Variants in SLC24A2 observed in about 807,000 individuals in gnomAD.
SLC24A2 encodes the protein sodium/potassium/calcium exchanger 2.
Under a neutral mutation model 62.0 loss-of-function variants are expected in SLC24A2, and 36 were observed. The ratio of observed to expected loss-of-function variants is 0.58; its 90% CI spans 0.44 to 0.77. The LOEUF is 0.77. SLC24A2 is among the 30% of genes least tolerant of loss of function. The pLI is 0.00. For synonymous variants in SLC24A2, 358 were observed against 294.0 expected, an observed-to-expected ratio of 1.22 and a Z score of -2.23; for missense variants, 846 against 817.9, an observed-to-expected ratio of 1.03 and a Z score of -0.42.
At chr9:19,897,891 G>A in the SLC24A2 span, among the ~76,000 whole-genome samples, 5 of 152,192 alleles carry the variant, frequency 3.3e-5, no homozygotes, top group Middle Eastern at 3.4e-3. Context: ...ACAGAATTAC[G>A]CACTACAGTT....
chr9:20,260,960 A>T, the SLC24A2 span, among the ~76,000 whole-genome samples: 16,775 of 148,502 alleles, frequency 0.11, 1,943 homozygotes, highest in East Asian at 0.52. Context: ...GGTTCAAGCG[A>T]TTCTCCTGCC....
At chr9:19,763,748 A>C (rs980366759) in intron 2 of SLC24A2, among the ~76,000 whole-genome samples, 7 of 152,172 alleles carry the variant, frequency 4.6e-5, no homozygotes, top group African/African-American at 1.7e-4. Flanking sequence ...ATTGATGTTC[A>C]TCAGGGATAT....
chr9:20,048,509 A>G, the SLC24A2 span, among the ~76,000 whole-genome samples: 342 of 106,846 alleles, frequency 3.2e-3, no homozygotes, highest in African/African-American at 8.8e-3. Flanking sequence ...ATTATTTAGA[A>G]AAACTGCTTC....
the SLC24A2 span, among the ~76,000 whole-genome samples, chr9:19,940,820 A>C: frequency 6.6e-6 from 1 of 152,226 alleles, no homozygotes; most frequent in Non-Finnish European, 1.5e-5. Flanking sequence ...CTGAATGCAC[A>C]TGCTGATTTC....
At chr9:20,280,826 C>T in the SLC24A2 span, among the ~76,000 whole-genome samples, 2,400 of 152,258 alleles carry the variant, frequency 0.016, 73 homozygotes, top group African/African-American at 0.053. Flanking sequence ...ACAGAAGACA[C>T]AGACACAGAG....
chr9:20,055,337 TTA>T, the SLC24A2 span, among the ~76,000 whole-genome samples: 1 of 152,344 alleles, frequency 6.6e-6, no homozygotes, highest in South Asian at 2.1e-4. Flanking sequence ...AAGGGAGAAA[TTA>T]TGTTTTATTT....
the SLC24A2 span, among the ~76,000 whole-genome samples, chr9:20,084,464 CTTCTT>C: frequency 6.6e-5 from 10 of 151,572 alleles, no homozygotes; most frequent in East Asian, 1.7e-3. Context: ...CCTTTCCTTC[CTTCTT>C]TTCCTTTCCT....
At chr9:19,683,765 G>A (rs1239448153) in intron 2 of SLC24A2, among the ~76,000 whole-genome samples, 1 of 152,046 alleles carries the variant, frequency 6.6e-6, no homozygotes. Context: ...GCTTTCTTGT[G>A]CTGAGATGGG....
the SLC24A2 span, among the ~76,000 whole-genome samples, chr9:19,901,310 T>A: frequency 6.6e-6 from 1 of 152,156 alleles, no homozygotes; most frequent in African/African-American, 2.4e-5. Context: ...CTGTACACAG[T>A]AGGCAGCATT....
rs984429151 is a variant in SLC24A2 at position 19,514,753 on chromosome 9, T to C, written c.*1400A>G. On this transcript the variant is annotated 3_prime_UTR_variant, in exon 11 of 11. Coordinates refer to ENST00000341998, the MANE Select transcript of SLC24A2 (RefSeq NM_020344.4). ...TAAGGTCTTGATGGAAGAAGAGACA[T>C]AGATGTTACAAGAACTTTAACCAAA... is the stretch of plus-strand genomic sequence containing the variant. 19 of 152,262 alleles carry C rather than the reference T, an allele frequency of 1.2e-4. No individual in the cohort carries two copies. Among genetic ancestry groups the C allele is most frequent in the African/African-American group, 3.9e-4 (16 of 41,550 alleles). 9.4% of individuals were successfully genotyped at this position (152,262 alleles called of 1,614,324 possible).
the SLC24A2 span, among the ~76,000 whole-genome samples, chr9:20,258,764 T>TATCTATC: frequency 7.2e-6 from 1 of 139,622 alleles, no homozygotes; most frequent in Admixed American, 7.4e-5. Flanking sequence ...CTCCTCTCAT[T>TATCTATC]TATCTATCTA....
At chr9:20,127,404 TAAC>T in the SLC24A2 span, among the ~76,000 whole-genome samples, 1 of 152,156 alleles carries the variant, frequency 6.6e-6, no homozygotes, top group African/African-American at 2.4e-5. Context: ...TTAGTTATTT[TAAC>T]AACAATGGAG....
chr9:19,747,946 T>G (rs1367354249), intron 2 of SLC24A2, among the ~76,000 whole-genome samples: 1 of 152,172 alleles, frequency 6.6e-6, no homozygotes, highest in Non-Finnish European at 1.5e-5. Context: ...GATCACAAAG[T>G]TAGCAAATAC....
chr9:19,885,248 C>A, the SLC24A2 span, among the ~76,000 whole-genome samples: 1 of 152,094 alleles, frequency 6.6e-6, no homozygotes, highest in South Asian at 2.1e-4. Flanking sequence ...TGCATGCTAA[C>A]GTGTTTAGGT....
intron 4 of SLC24A2, among the ~76,000 whole-genome samples, chr9:19,607,019 T>C (rs1381545284): frequency 2.1e-5 from 3 of 144,928 alleles, no homozygotes; most frequent in African/African-American, 7.8e-5. Flanking sequence ...GAAAGTCATC[T>C]CATCACAGAA....
At chr9:20,155,123 C>A in the SLC24A2 span, among the ~76,000 whole-genome samples, 1 of 145,088 alleles carries the variant, frequency 6.9e-6, no homozygotes, top group African/African-American at 2.6e-5. Flanking sequence ...TGGTCTCTGC[C>A]CAACTGGAAA....
At chr9:19,523,207 A>G (rs1361333099) in intron 9 of SLC24A2, among the ~76,000 whole-genome samples, 2 of 152,222 alleles carry the variant, frequency 1.3e-5, no homozygotes, top group African/African-American at 4.8e-5. Context: ...TATACAGGAA[A>G]ACATAGGAAT....
the SLC24A2 span, among the ~76,000 whole-genome samples, chr9:20,285,736 G>A: frequency 1.3e-5 from 2 of 152,298 alleles, no homozygotes; most frequent in African/African-American, 4.8e-5. Flanking sequence ...AGAAAAGTAA[G>A]GTTCAAACAT....
rs1393195507 is a variant in SLC24A2, at chr9:19,510,248, T to C, written c.*5905A>G. On this transcript the variant is annotated 3_prime_UTR_variant, in exon 11 of 11. Transcript: ENST00000341998. ...TATCATTAGTCATAAGGTTCCATCATTTAAGAACAATATAAAGAACTTAAA... is the reference window on the plus strand; with the variant it reads ...TATCATTAGTCATAAGGTTCCATCACTTAAGAACAATATAAAGAACTTAAA... 3.9e-5 allele frequency: 6 copies of C among 152,078 alleles called. No individual in the cohort carries two copies. In the East Asian group the frequency reaches 1.2e-3, roughly 29 times the overall value. 9.4% of individuals were successfully genotyped at this position (152,078 alleles called of 1,614,324 possible). A position where few individuals can be genotyped will look rare whatever the true frequency, so the allele number is the denominator to read the frequency against.
Sources: allele counts gnomAD v4.1 joint callset (sites outside exome capture counted in the v4.1 genomes callset), GRCh38; gene constraint gnomAD v4.1.1; transcripts MANE v1.5; gene names NCBI Gene and HGNC (gene_info 2026-07-23, HGNC 2026-07-21).